Variants in LRRC49 observed in about 807,000 individuals in gnomAD.
LRRC49 encodes the protein leucine rich repeat containing 49.
In LRRC49, 50 loss-of-function variants were observed where a neutral mutation model predicts 83.3. That is an observed-to-expected ratio of 0.60 (90% CI 0.48 to 0.76). The LOEUF (loss-of-function observed/expected upper bound fraction) is 0.76, where lower values mean the gene tolerates loss of function less well. Ranked by LOEUF, LRRC49 falls within the 30% of genes least tolerant of loss-of-function variation. The pLI is 0.00. For missense variants in LRRC49, 704 were observed against 809.1 expected, an observed-to-expected ratio of 0.87 and a Z score of 1.58; for synonymous variants, 286 against 283.3, an observed-to-expected ratio of 1.01 and a Z score of -0.10.
At position 71,020,974 on chromosome 15, in the gene LRRC49, G is replaced by A. The variant is rs2038975710; in HGVS notation, c.1703+8061G>A. 2.6e-5 allele frequency among the ~76,000 whole-genome samples: 4 copies of A among 151,976 alleles called. No homozygotes were observed. The South Asian group carries it at 8.3e-4, about 32-fold the overall frequency. On this transcript the variant is annotated intron_variant, in intron 14 of 15. Coordinates refer to ENST00000260382, the MANE Select transcript of LRRC49 (RefSeq NM_017691.5). Reference sequence around the variant, plus strand: ...AGTATCCAATCTTTTGGTTTCCTTGGGCCACATTGGAAGAAGAATTGCCTT... The same window carrying A: ...AGTATCCAATCTTTTGGTTTCCTTGAGCCACATTGGAAGAAGAATTGCCTT...
chr15:70,896,510 T>C (rs979752968), intron 3 of LRRC49, among the ~76,000 whole-genome samples: 2 of 152,160 alleles, frequency 1.3e-5, no homozygotes, highest in Non-Finnish European at 2.9e-5. Flanking sequence ...TTCTGAGGTA[T>C]ATGGTTTGTG....
intron 1 of LRRC49, chr15:70,859,159 G>T: frequency 7.0e-7 from 1 of 1,423,226 alleles, no homozygotes; most frequent in Non-Finnish European, 9.9e-7. Flanking sequence ...ACCTTAGGTG[G>T]CAGCTGGAGA....
intron 2 of LRRC49, chr15:70,882,533 G>C: frequency 6.2e-7 from 1 of 1,613,850 alleles, no homozygotes. Flanking sequence ...GTCTGTATCT[G>C]TTTCTGAATC....
chr15:70,887,454 G>A (rs904357306), upstream of LRRC49, among the ~76,000 whole-genome samples: 1 of 152,098 alleles, frequency 6.6e-6, no homozygotes, highest in Non-Finnish European at 1.5e-5. Flanking sequence ...AGCCATGCAA[G>A]TTTGACTCTA....
chr15:70,853,578 G>T, intron 1 of LRRC49: 1 of 227,062 alleles, frequency 4.4e-6, no homozygotes. Context: ...CTCCTCCAGA[G>T]GAGGGGGTGG....
chr15:70,929,817 A>G (rs2035341400), intron 7 of LRRC49, among the ~76,000 whole-genome samples: 1 of 152,152 alleles, frequency 6.6e-6, no homozygotes, highest in South Asian at 2.1e-4. Context: ...TTCTTTCCTC[A>G]TCCGTAAGAA....
intron 5 of LRRC49, 23 bp downstream of exon 5, chr15:70,904,778 TG>T: frequency 6.5e-7 from 1 of 1,533,710 alleles, no homozygotes; most frequent in African/African-American, 1.4e-5. Flanking sequence ...GAGCAGTTTT[TG>T]TAGCCTAATG....
chr15:70,929,852 G>C (rs996219320), intron 7 of LRRC49, among the ~76,000 whole-genome samples: 1 of 152,138 alleles, frequency 6.6e-6, no homozygotes, highest in African/African-American at 2.4e-5. Context: ...ATTCAAGTTT[G>C]GTCATGAGAT....
At chr15:70,971,795 TC>T (rs2037010794) in intron 9 of LRRC49, among the ~76,000 whole-genome samples, 3 of 99,090 alleles carry the variant, frequency 3.0e-5, no homozygotes, top group Admixed American at 1.5e-4. Context: ...TTGTAACCAC[TC>T]CTTTTTTTTT....
intron 7 of LRRC49, 145 bp downstream of exon 7, chr15:70,919,338 G>T: frequency 2.8e-6 from 2 of 717,580 alleles, no homozygotes; most frequent in South Asian, 4.6e-5. Flanking sequence ...TAATTATTAA[G>T]CTCTGTAATA....
At chr15:70,994,277 G>A (rs2038001654) in intron 11 of LRRC49, among the ~76,000 whole-genome samples, 1 of 152,070 alleles carries the variant, frequency 6.6e-6, no homozygotes, top group Admixed American at 6.5e-5. Context: ...TTTATCTCAT[G>A]TTAAGATTTT....
intron 2 of LRRC49, chr15:70,882,790 G>T: frequency 6.2e-7 from 1 of 1,614,130 alleles, no homozygotes; most frequent in Non-Finnish European, 8.5e-7. Flanking sequence ...CCTTTTCAAA[G>T]AAATTTGTGT....
At chr15:70,904,509 T>C in intron 4 of LRRC49, 43 bp from the exon 5 acceptor site, 7 of 1,297,988 alleles carry the variant, frequency 5.4e-6, no homozygotes, top group Non-Finnish European at 7.8e-6. Context: ...AAGAGGTAAG[T>C]GGCTGAATCA....
At chr15:70,986,803 C>T (rs1242153714) in intron 11 of LRRC49, among the ~76,000 whole-genome samples, 2 of 152,226 alleles carry the variant, frequency 1.3e-5, no homozygotes, top group East Asian at 1.9e-4. Context: ...TTTTGAGATA[C>T]GTCTCATCAA....
exon 2 of LRRC49, chr15:70,873,073 C>T (rs575452255): frequency 3.8e-5 from 26 of 687,652 alleles, no homozygotes; most frequent in African/African-American, 8.8e-5. Flanking sequence ...TTAGTAGAGG[C>T]GGGGTTTCAC....
chr15:70,887,191 C>T (rs1567036038), intron 2 of LRRC49, among the ~76,000 whole-genome samples: 1 of 151,914 alleles, frequency 6.6e-6, no homozygotes, highest in Admixed American at 6.6e-5. Context: ...AATATTAATA[C>T]CAAATTTATT....
intron 2 of LRRC49, among the ~76,000 whole-genome samples, chr15:70,894,185 C>T (rs1467694137): frequency 2.0e-5 from 3 of 152,200 alleles, no homozygotes; most frequent in Non-Finnish European, 1.5e-5. Flanking sequence ...CAACAGCCAC[C>T]GCACCCAGTG....
intron 15 of LRRC49, among the ~76,000 whole-genome samples, chr15:71,044,006 C>G (rs903678503): frequency 2.0e-5 from 3 of 152,110 alleles, no homozygotes; most frequent in Non-Finnish European, 4.4e-5. Flanking sequence ...TCTATGCTTT[C>G]TACTTGTAAA....
At chr15:70,997,136 G>A (rs2038100247) in intron 11 of LRRC49, among the ~76,000 whole-genome samples, 1 of 152,052 alleles carries the variant, frequency 6.6e-6, no homozygotes, top group Non-Finnish European at 1.5e-5. Flanking sequence ...ATTGAAGGTA[G>A]GGTATTGAAG....
Sources: gnomAD v4.1 joint callset for allele counts (sites outside exome capture counted in the v4.1 genomes callset) on GRCh38, gnomAD v4.1.1 for gene constraint, MANE v1.5 for transcripts, NCBI Gene and HGNC (gene_info 2026-07-23, HGNC 2026-07-21) for gene names.